UBE2F: variants seen among roughly 807,000 people sequenced by gnomAD.
UBE2F encodes NEDD8-conjugating enzyme UBE2F.
UBE2F carries 5 observed loss-of-function variants against 29.6 expected under a neutral mutation model. That is an observed-to-expected ratio of 0.17 (90% CI 0.09 to 0.36). The LOEUF (loss-of-function observed/expected upper bound fraction) is 0.36. UBE2F is among the 10% of genes least tolerant of loss of function. The pLI is 1.00. For missense variants in UBE2F, 141 were observed against 228.5 expected, an observed-to-expected ratio of 0.62 and a Z score of 2.47; for synonymous variants, 66 against 81.8, an observed-to-expected ratio of 0.81 and a Z score of 1.04.
At chr2:237,976,998 A>G (rs1559200285) in intron 2 of UBE2F, among the ~76,000 whole-genome samples, 1 of 152,108 alleles carries the variant, frequency 6.6e-6, no homozygotes, top group Non-Finnish European at 1.5e-5. Context: ...TAGAAGTGCA[A>G]GTCCACAGAA....
intron 1 of UBE2F, among the ~76,000 whole-genome samples, chr2:237,969,583 G>C (rs1005141779): frequency 1.4e-4 from 21 of 152,148 alleles, no homozygotes; most frequent in African/African-American, 4.8e-4. Context: ...CTGACCCCCA[G>C]GTGATGGATG....
intron 5 of UBE2F, among the ~76,000 whole-genome samples, chr2:238,018,548 A>T (rs2064216335): frequency 6.6e-6 from 1 of 151,968 alleles, no homozygotes; most frequent in African/African-American, 2.4e-5. Flanking sequence ...CATTCTTCTG[A>T]TGGTTCAGTG....
At chr2:238,011,901 C>T (rs1254341772) in intron 4 of UBE2F, among the ~76,000 whole-genome samples, 3 of 152,146 alleles carry the variant, frequency 2.0e-5, no homozygotes, top group Admixed American at 6.5e-5. Context: ...TTTTTTGAGA[C>T]AGGGTCTCAC....
At chr2:238,013,217 C>G (rs2106379019) in intron 4 of UBE2F, among the ~76,000 whole-genome samples, 1 of 152,172 alleles carries the variant, frequency 6.6e-6, no homozygotes, top group Admixed American at 6.5e-5. Flanking sequence ...CTGCAGTGAG[C>G]TGTGCACCCC....
At chr2:238,020,849 A>T (rs945492134) in intron 5 of UBE2F, among the ~76,000 whole-genome samples, 5 of 152,304 alleles carry the variant, frequency 3.3e-5, no homozygotes, top group African/African-American at 1.2e-4. Context: ...AGGGCCAAGG[A>T]TGGGAACTTG....
chr2:237,968,589 C>A (rs1320412359), intron 1 of UBE2F, among the ~76,000 whole-genome samples: 2 of 152,132 alleles, frequency 1.3e-5, no homozygotes, highest in African/African-American at 4.8e-5. Context: ...CCCCTGGTGT[C>A]CCTGCACAAG....
chr2:237,969,229 G>A (rs138026155), intron 1 of UBE2F, among the ~76,000 whole-genome samples: 8 of 152,248 alleles, frequency 5.3e-5, no homozygotes, highest in Non-Finnish European at 1.0e-4. Flanking sequence ...ATGTTGGAGC[G>A]TCTTCTGCCC....
intron 2 of UBE2F, among the ~76,000 whole-genome samples, chr2:237,976,938 G>C (rs1232494471): frequency 6.6e-6 from 1 of 152,138 alleles, no homozygotes. Context: ...ACTGGGGTAG[G>C]ACAGGCTCTG....
chr2:238,027,176 G>A (rs981545917), intron 6 of UBE2F, among the ~76,000 whole-genome samples: 21 of 152,136 alleles, frequency 1.4e-4, no homozygotes, highest in African/African-American at 4.3e-4. Flanking sequence ...AAAGCCAGAC[G>A]TCTTAAGGAA....
At chr2:237,992,712 G>A (rs2063614754) in intron 3 of UBE2F, among the ~76,000 whole-genome samples, 1 of 152,144 alleles carries the variant, frequency 6.6e-6, no homozygotes, top group South Asian at 2.1e-4. Flanking sequence ...TAACCTGTAT[G>A]ATCTTGGGCT....
At chr2:237,970,708 ATTC>A (rs2063158346) in intron 1 of UBE2F, among the ~76,000 whole-genome samples, 1 of 152,148 alleles carries the variant, frequency 6.6e-6, no homozygotes, top group Non-Finnish European at 1.5e-5. Context: ...TTTTGAAAAA[ATTC>A]TTTAAATTTT....
chr2:237,987,252 G>A (rs558465885), intron 2 of UBE2F, among the ~76,000 whole-genome samples: 1 of 152,274 alleles, frequency 6.6e-6, no homozygotes, highest in Admixed American at 6.5e-5. Flanking sequence ...AAGTGGGTGT[G>A]TGTGTGGGGA....
At position 238,042,218 on chromosome 2, in the gene UBE2F, A is replaced by G. The variant is rs1159759109; in HGVS notation, c.*880A>G. On this transcript the variant is annotated 3_prime_UTR_variant, in exon 10 of 10. Transcript: ENST00000272930. ...CATTCTAACATGCTGCCCAGAGGAA[A>G]CTGGCTGGAGCCTGGACCAGCTGGG... The G allele has an allele frequency of 6.6e-6, 1 of 152,224 alleles. No individual in the cohort carries two copies. Among genetic ancestry groups the G allele is most frequent in the Non-Finnish European group, 1.5e-5 (1 of 68,036 alleles). The allele number at this position is 152,224 out of a possible 1,614,324, so 9.4% of individuals were successfully genotyped here. A position where few individuals can be genotyped will look rare whatever the true frequency, so the allele number is the denominator to read the frequency against.
At chr2:238,020,369 A>G (rs920266497) in intron 5 of UBE2F, among the ~76,000 whole-genome samples, 1 of 152,188 alleles carries the variant, frequency 6.6e-6, no homozygotes, top group East Asian at 1.9e-4. Context: ...GGCATTCAGG[A>G]TAGAGTGTGA....
At chr2:238,016,408 TGTGTGTGCATTTG>T in intron 4 of UBE2F, 145 bp from the exon 5 acceptor site, 2 of 606,126 alleles carry the variant, frequency 3.3e-6, no homozygotes, top group Non-Finnish European at 5.7e-6. Context: ...CTTCCACCAG[TGTGTGTGCATTTG>T]GTGATGGAAC....
Position 238,026,534 on chromosome 2 carries a change from C to T in UBE2F, c.353+1122C>T, listed in dbSNP as rs151026748. ...CTGCAAGCTCCGCCTCCCAGGTTCA[C>T]GCCATTCTCCTGCCTCAGCGTCCCG... is the stretch of plus-strand genomic sequence containing the variant. On this transcript the variant is annotated intron_variant, in intron 6 of 9. Coordinates refer to ENST00000272930, the MANE Select transcript of UBE2F (RefSeq NM_080678.3). Among the ~76,000 whole-genome samples, 17 of 152,140 alleles carry T rather than the reference C, an allele frequency of 1.1e-4. No homozygotes were observed. The South Asian group carries it at 3.3e-3, about 30-fold the overall frequency.
Position 238,020,466 on chromosome 2 carries a change from G to A in UBE2F, c.282+3833G>A, listed in dbSNP as rs533689897. 9.7e-4 allele frequency among the ~76,000 whole-genome samples: 148 copies of A among 152,246 alleles called. 1 individual carries two copies. The Middle Eastern group carries it at 0.01, about 10-fold the overall frequency. On this transcript the variant is annotated intron_variant, in intron 5 of 9. Transcript: ENST00000272930. ...CTAGGGATGGGCTGGGGCTTCTCAG[G>A]GTGCATCTGCTTCACTGCCATGACT... is the stretch of plus-strand genomic sequence containing the variant.
At chr2:237,983,481 G>A (rs1446842832) in intron 2 of UBE2F, among the ~76,000 whole-genome samples, 1 of 152,142 alleles carries the variant, frequency 6.6e-6, no homozygotes, top group Non-Finnish European at 1.5e-5. Flanking sequence ...CTCTACACAG[G>A]TGCTTAGTTG....
At chr2:238,019,654 CTT>C (rs375103007) in intron 5 of UBE2F, among the ~76,000 whole-genome samples, 5 of 78,010 alleles carry the variant, frequency 6.4e-5, no homozygotes, top group Non-Finnish European at 9.0e-5. Flanking sequence ...TGTGCTCAGC[CTT>C]TTTTTTTTTT....
Sources: gnomAD v4.1 joint callset for allele counts (sites outside exome capture counted in the v4.1 genomes callset) on GRCh38, gnomAD v4.1.1 for gene constraint, MANE v1.5 for transcripts, NCBI Gene and HGNC (gene_info 2026-07-23, HGNC 2026-07-21) for gene names.